The following ANTXR1 variants were observed in gnomAD, a reference collection of about 807,000 sequenced individuals.
ANTXR1 encodes the protein ANTXR cell adhesion molecule 1.
Under a neutral mutation model 78.1 loss-of-function variants are expected in ANTXR1, and 19 were observed. The ratio of observed to expected loss-of-function variants is 0.24; its 90% CI spans 0.17 to 0.36. The LOEUF is 0.36. Ranked by LOEUF, ANTXR1 falls within the 10% of genes least tolerant of loss-of-function variation. The pLI is 1.00. For missense variants in ANTXR1, 518 were observed against 718.6 expected (o/e 0.72, Z 3.19); for synonymous variants, 273 against 260.5 (o/e 1.05, Z -0.46).
intron 12 of ANTXR1, among the ~76,000 whole-genome samples, chr2:69,151,653 A>C (rs1363450999): frequency 6.6e-6 from 1 of 152,070 alleles, no homozygotes; most frequent in East Asian, 1.9e-4. Context: ...CACCCCCTGG[A>C]TTCACAGACC....
intron 17 of ANTXR1, among the ~76,000 whole-genome samples, chr2:69,222,016 C>T (rs1023256509): frequency 3.3e-5 from 5 of 152,144 alleles, no homozygotes; most frequent in Admixed American, 2.6e-4. Flanking sequence ...AATTCAAAGC[C>T]TGAGTGAGGA....
chr2:69,122,055 C>T (rs903245950), intron 10 of ANTXR1, among the ~76,000 whole-genome samples: 1 of 152,230 alleles, frequency 6.6e-6, no homozygotes, highest in Non-Finnish European at 1.5e-5. Context: ...AAAAACCCAC[C>T]AAAGTTCTTT....
At chr2:69,019,830 G>A (rs754951965) in intron 1 of ANTXR1, among the ~76,000 whole-genome samples, 1 of 152,064 alleles carries the variant, frequency 6.6e-6, no homozygotes, top group Admixed American at 6.6e-5. Context: ...GAGAACATGC[G>A]GTATTTGGTT....
intron 10 of ANTXR1, among the ~76,000 whole-genome samples, chr2:69,115,742 C>G (rs56080683): frequency 0.29 from 43,406 of 151,836 alleles, 6,335 homozygotes; most frequent in Non-Finnish European, 0.33. Context: ...AATGTGTTGG[C>G]CAAGCCCATC....
chr2:69,082,931 CTA>C (rs1242133489), intron 8 of ANTXR1, among the ~76,000 whole-genome samples: 1 of 152,234 alleles, frequency 6.6e-6, no homozygotes, highest in African/African-American at 2.4e-5. Context: ...GCAAACACAA[CTA>C]TGTTTGCAAG....
intron 12 of ANTXR1, chr2:69,146,407 G>A: frequency 1.0e-6 from 1 of 977,060 alleles, no homozygotes; most frequent in Non-Finnish European, 1.2e-6. Flanking sequence ...ATTGGACTTG[G>A]GTTGATACTT....
In ANTXR1 at chr2:69,093,735, G is replaced by A. The variant is rs57976704; in HGVS notation, c.703+2816G>A. Among the ~76,000 whole-genome samples, 1,027 of 152,216 alleles carry A rather than the reference G, an allele frequency of 6.7e-3. 14 individuals carry two copies. The highest frequency in any genetic ancestry group is 0.023 in the African/African-American group (974 of 41,536). On this transcript the variant is annotated intron_variant, in intron 9 of 17. Coordinates refer to ENST00000303714, the MANE Select transcript of ANTXR1 (RefSeq NM_032208.3). ...TAGAACCAATAAAATAGACAAATCT[G>A]GTAAATCCAATCTAAGGAATCTTTC...
chr2:69,124,648 G>A lies in ANTXR1; in HGVS notation c.951+5G>A. The stretch of plus-strand genomic sequence containing the variant: ...ATCATCACCACCACACACTGTGTAA[G>A]TCATAACCTTTCCCTTTACTAAAGA... On this transcript the variant is annotated splice_donor_5th_base_variant and intron_variant, in intron 12 of 17. Transcript: ENST00000303714. The A allele has an allele frequency of 6.2e-7, 1 of 1,613,926 alleles. No homozygotes were observed. The highest frequency in any genetic ancestry group is 1.1e-5 in the South Asian group (1 of 91,084).
chr2:69,022,481 T>C (rs1288310473), intron 1 of ANTXR1, among the ~76,000 whole-genome samples: 1 of 152,210 alleles, frequency 6.6e-6, no homozygotes, highest in Non-Finnish European at 1.5e-5. Context: ...GGTATGCCAT[T>C]GATGTTGATT....
chr2:69,237,963 G>A (rs1245697550), intron 17 of ANTXR1, among the ~76,000 whole-genome samples: 2 of 152,222 alleles, frequency 1.3e-5, no homozygotes, highest in Non-Finnish European at 2.9e-5. Context: ...TGGTGGCCAA[G>A]TGTTAGAAGA....
rs1330714117 is a variant in ANTXR1 at position 69,182,490 on chromosome 2, T to G, written c.1186-3T>G. 1 of 1,614,180 alleles carries G rather than the reference T, an allele frequency of 6.2e-7. No homozygotes were observed. The highest frequency in any genetic ancestry group is 8.5e-7 in the Non-Finnish European group (1 of 1,180,032). On this transcript the variant is annotated splice_region_variant and splice_polypyrimidine_tract_variant and intron_variant, in intron 15 of 17. Coordinates refer to ENST00000303714, the MANE Select transcript of ANTXR1 (RefSeq NM_032208.3). ...TCATTTCATTGTATTTTGTTTATTTTAGGTTCGTTGGGGAGAAAAGGGCTC... is the reference window on the plus strand; with the variant it reads ...TCATTTCATTGTATTTTGTTTATTTGAGGTTCGTTGGGGAGAAAAGGGCTC...
intron 3 of ANTXR1, among the ~76,000 whole-genome samples, chr2:69,066,298 T>C (rs1670397796): frequency 6.6e-6 from 1 of 152,016 alleles, no homozygotes; most frequent in Non-Finnish European, 1.5e-5. Flanking sequence ...TTTTCTTTCT[T>C]TTATTTATTT....
intron 14 of ANTXR1, among the ~76,000 whole-genome samples, chr2:69,180,137 A>T (rs1293612150): frequency 6.6e-6 from 1 of 152,212 alleles, no homozygotes; most frequent in Non-Finnish European, 1.5e-5. Flanking sequence ...ATGTGCCAAC[A>T]TGTTTCTGCT....
chr2:69,026,115 A>G (rs1419401537), intron 1 of ANTXR1, among the ~76,000 whole-genome samples: 2 of 152,240 alleles, frequency 1.3e-5, no homozygotes, highest in African/African-American at 2.4e-5. Flanking sequence ...CTTAGCACCT[A>G]ACACTCTGAA....
intron 10 of ANTXR1, among the ~76,000 whole-genome samples, chr2:69,121,163 A>G (rs779938301): frequency 3.9e-5 from 6 of 152,328 alleles, no homozygotes; most frequent in Middle Eastern, 3.4e-3. Flanking sequence ...ATAATTACAT[A>G]ACAATTTGTG....
chr2:69,147,502 G>A (rs557473942), intron 12 of ANTXR1, among the ~76,000 whole-genome samples: 1 of 152,310 alleles, frequency 6.6e-6, no homozygotes, highest in South Asian at 2.1e-4. Flanking sequence ...CCCATGCTAT[G>A]TGCACATCCA....
chr2:69,181,682 G>C (rs1344342281), intron 14 of ANTXR1, 104 bp from the exon 15 acceptor site: 2 of 1,082,008 alleles, frequency 1.8e-6, no homozygotes, highest in African/African-American at 1.5e-5. Context: ...TTGCACCCAG[G>C]CAGTCTGACT....
At chr2:69,143,091 G>T (rs990185939) in intron 12 of ANTXR1, among the ~76,000 whole-genome samples, 1 of 152,328 alleles carries the variant, frequency 6.6e-6, no homozygotes, top group Admixed American at 6.5e-5. Context: ...AAATCTATCA[G>T]AATATCATTT....
At position 69,245,374 on chromosome 2, in the gene ANTXR1, C is replaced by A. The variant is rs752273892; in HGVS notation, c.1584C>A (p.Ala528=). 1 of 1,508,708 alleles carries A rather than the reference C, an allele frequency of 6.6e-7. No homozygotes were observed. Among genetic ancestry groups the A allele is most frequent in the Non-Finnish European group, 8.9e-7 (1 of 1,127,274 alleles). The allele number at this position is 1,508,708 out of a possible 1,614,324, so 93.5% of individuals were successfully genotyped here. ...APHCPPPPPS[A]PTPPIPSPPS... is the part of the protein sequence containing the mutation. ...ACTGCCCTCCCCCGCCCCCCAGCGC[C>A]CCTACCCCTCCCATCCCGTCCCCAC... The change falls in exon 18 of 18, where the codon GCC becomes GCA. Residue 528 remains alanine (A), a synonymous_variant. Coordinates refer to ENST00000303714, the MANE Select transcript of ANTXR1 (RefSeq NM_032208.3).
Sources: allele counts gnomAD v4.1 joint callset (sites outside exome capture counted in the v4.1 genomes callset), GRCh38; gene constraint gnomAD v4.1.1; transcripts MANE v1.5; gene names NCBI Gene and HGNC (gene_info 2026-07-23, HGNC 2026-07-21).